The following TNFRSF18 variants were observed in gnomAD, a reference collection of about 807,000 sequenced individuals.
TNFRSF18 encodes tumor necrosis factor receptor superfamily member 18.
TNFRSF18 carries 36 observed loss-of-function variants against 30.2 expected under a neutral mutation model. That is an observed-to-expected ratio of 1.19 (90% CI 0.91 to 1.58). TNFRSF18 has a LOEUF of 1.58. TNFRSF18 is among the 40% of genes most tolerant of loss of function. The pLI is 0.00. For missense variants in TNFRSF18, 369 were observed against 345.4 expected (o/e 1.07, Z -0.54); for synonymous variants, 173 against 158.3 (o/e 1.09, Z -0.70).
intron 2 of TNFRSF18, among the ~76,000 whole-genome samples, chr1:1,205,065 C>T (rs921627345): frequency 1.3e-5 from 2 of 152,180 alleles, no homozygotes; most frequent in Non-Finnish European, 2.9e-5. Context: ...GTGGTGAGGA[C>T]AGACAGGATG....
chr1:1,204,808 G>A (rs1339606441), intron 2 of TNFRSF18, among the ~76,000 whole-genome samples: 1 of 152,162 alleles, frequency 6.6e-6, no homozygotes. Context: ...CAGTAGAACA[G>A]AGGGTGGAGA....
At chr1:1,206,235 T>C (rs950155725) in intron 1 of TNFRSF18, 150 bp downstream of exon 1, 48 of 932,174 alleles carry the variant, frequency 5.1e-5, no homozygotes, top group Non-Finnish European at 7.5e-5. Context: ...CCTGCCTCCC[T>C]CCGGAAGGCT....
Position 1,205,472 on chromosome 1 carries a change from A to C in TNFRSF18, c.208T>G (p.Trp70Gly). The C allele has an allele frequency of 6.2e-7, 1 of 1,612,294 alleles. No individual in the cohort carries two copies. Among genetic ancestry groups the C allele is most frequent in the Admixed American group, 1.7e-5 (1 of 59,974 alleles). The change falls in exon 2 of 5, where the codon TGG (tryptophan) becomes GGG (glycine). Residue 70 changes from tryptophan to glycine, a missense_variant. Trp to Gly is a radical substitution (Grantham distance 184, BLOSUM62 -2). Transcript: ENST00000379268. Reference sequence around the variant, plus strand: ...TCAGGCTGGACACACATGCAGTCCCACTCGGAACAGCACTCCTCGCCTGGG... The same window carrying C: ...TCAGGCTGGACACACATGCAGTCCCCCTCGGAACAGCACTCCTCGCCTGGG... The part of the protein sequence containing the change: ...DYPGEECCSE[W>G]DCMCVQPEFH...
intron 2 of TNFRSF18, 88 bp downstream of exon 2, chr1:1,205,282 G>C (rs1000679655): frequency 6.5e-7 from 1 of 1,539,392 alleles, no homozygotes; most frequent in Non-Finnish European, 8.8e-7. Flanking sequence ...ACATGTCCTC[G>C]CCGGACACCT....
chr1:1,203,893 C>T lies in TNFRSF18; in HGVS notation c.677G>A (p.Gly226Asp). Reference protein sequence around the residue: ...RSCQFPEEERGERSAEEKGRL... With the variant: ...RSCQFPEEERDERSAEEKGRL... ...CCCCTTCTCCTCTGCCGATCGCTCG[C>T]CCCGCTCTTCCTCGGGGAACTGGCA... The change falls in exon 5 of 5, where the codon GGC becomes GAC. Residue 226 changes from glycine (G) to aspartate (D), a missense_variant. Physicochemically the swap from Gly to Asp is moderately conservative, Grantham distance 94. Coordinates refer to ENST00000379268, the MANE Select transcript of TNFRSF18 (RefSeq NM_004195.3). 1.2e-6 allele frequency: 2 copies of T among 1,606,206 alleles called. No homozygotes were observed. The highest frequency in any genetic ancestry group is 8.5e-7 in the Non-Finnish European group (1 of 1,179,182).
In TNFRSF18 at chr1:1,203,687, G is replaced by A. The variant is rs771347373; in HGVS notation, c.*157C>T. 1.3e-6 allele frequency: 2 copies of A among 1,556,230 alleles called. No individual in the cohort carries two copies. Among genetic ancestry groups the A allele is most frequent in the Admixed American group, 1.8e-5 (1 of 54,240 alleles). ...AGGGCCCAGCCGCGGCCGCCGAACT[G>A]CATGGTCCAGGGCGCTGGTCACTGC... On this transcript the variant is annotated 3_prime_UTR_variant, in exon 5 of 5. Transcript: ENST00000379268.
Position 1,203,739 on chromosome 1 carries a change from C to G in TNFRSF18, c.*105G>C. ...ACCTTCCTGCACCCACTTCTGCTGC[C>G]AGGGGAGCAGGGCCCGGCCCAGAGC... On this transcript the variant is annotated 3_prime_UTR_variant, in exon 5 of 5. Coordinates refer to ENST00000379268, the MANE Select transcript of TNFRSF18 (RefSeq NM_004195.3). The G allele has an allele frequency of 6.4e-7, 1 of 1,559,226 alleles. No individual in the cohort carries two copies. The highest frequency in any genetic ancestry group is 8.6e-7 in the Non-Finnish European group (1 of 1,158,050).
chr1:1,204,013 C>G, intron 4 of TNFRSF18, 21 bp downstream of exon 4: 2 of 1,607,952 alleles, frequency 1.2e-6, no homozygotes, highest in South Asian at 2.2e-5. Context: ...TCCCACCTCC[C>G]CGCACCAGGC....
chr1:1,206,359 G>A (rs374134038), intron 1 of TNFRSF18, 26 bp downstream of exon 1: 28 of 1,543,826 alleles, frequency 1.8e-5, no homozygotes, highest in African/African-American at 1.2e-4. Context: ...TGGCCGGTCC[G>A]CGTTAAGTAA....
chr1:1,205,513 C>T lies in TNFRSF18; in HGVS notation c.188-21G>A, dbSNP rs769674255. ...CTCGCCTGGGCAGGAGACAGGCCAG[C>T]CCCCCAGCAGCTGGGCTGAGGCCCC... On this transcript the variant is annotated intron_variant, in intron 1 of 4. Coordinates refer to ENST00000379268, the MANE Select transcript of TNFRSF18 (RefSeq NM_004195.3). 1.6e-5 allele frequency: 26 copies of T among 1,605,800 alleles called. 1 individual carries two copies. The South Asian group carries it at 2.7e-4, about 16-fold the overall frequency.
chr1:1,204,359 T>C, intron 3 of TNFRSF18, 40 bp downstream of exon 3: 3 of 1,606,376 alleles, frequency 1.9e-6, no homozygotes, highest in Non-Finnish European at 2.6e-6. Context: ...AGAGTGGGCC[T>C]GGACCACCCG....
At chr1:1,205,658 CTG>C in intron 1 of TNFRSF18, 166 bp from the exon 2 acceptor site, 1 of 703,850 alleles carries the variant, frequency 1.4e-6, no homozygotes, top group South Asian at 1.9e-5. Flanking sequence ...GTTTATCCAG[CTG>C]TCTCTTTCTC....
At position 1,205,502 on chromosome 1, in the gene TNFRSF18, A is replaced by C; in HGVS notation, c.188-10T>G. On this transcript the variant is annotated splice_polypyrimidine_tract_variant and intron_variant, in intron 1 of 4. Coordinates refer to ENST00000379268, the MANE Select transcript of TNFRSF18 (RefSeq NM_004195.3). ...GAACAGCACTCCTCGCCTGGGCAGG[A>C]GACAGGCCAGCCCCCCAGCAGCTGG... The C allele has an allele frequency of 6.2e-7, 1 of 1,609,352 alleles. No homozygotes were observed. Among genetic ancestry groups the C allele is most frequent in the South Asian group, 1.1e-5 (1 of 90,776 alleles).
chr1:1,206,248 C>T (rs1310245012), intron 1 of TNFRSF18, 137 bp downstream of exon 1: 9 of 1,023,448 alleles, frequency 8.8e-6, no homozygotes, highest in Admixed American at 5.9e-5. Context: ...GGAAGGCTCC[C>T]GCTGCTGGCG....
At chr1:1,205,315 G>A (rs1044962233) in intron 2 of TNFRSF18, 55 bp downstream of exon 2, 8 of 1,583,252 alleles carry the variant, frequency 5.1e-6, no homozygotes, top group Non-Finnish European at 6.0e-6. Flanking sequence ...TCTGCCTCGG[G>A]CCCTAGTGGA....
At position 1,203,953 on chromosome 1, in the gene TNFRSF18, A is replaced by G; in HGVS notation, c.617T>C (p.Leu206Pro). The change falls in exon 5 of 5, where the codon CTG becomes CCG. Residue 206 changes from leucine to proline, a missense_variant. Physicochemically the swap from Leu to Pro is moderately conservative, Grantham distance 98. Transcript: ENST00000379268. ...GTCTTCGGTCGACGGCGGCACCTCC[A>G]GCAGCAGCTGGGTCTCTGCAGGGGG... ...CMWPRETQLL[L>P]EVPPSTEDAR... 3 of 1,607,226 alleles carry G rather than the reference A, an allele frequency of 1.9e-6. No individual in the cohort carries two copies. Among genetic ancestry groups the G allele is most frequent in the Non-Finnish European group, 2.5e-6 (3 of 1,178,728 alleles).
At position 1,203,574 on chromosome 1, in the gene TNFRSF18, G is replaced by A. The variant is rs773653293; in HGVS notation, c.*270C>T. The A allele has an allele frequency of 2.1e-5, 32 of 1,494,676 alleles. No homozygotes were observed. The highest frequency in any genetic ancestry group is 2.6e-5 in the Non-Finnish European group (29 of 1,130,858). The allele number at this position is 1,494,676 out of a possible 1,614,324, so 92.6% of individuals were successfully genotyped here. A position where few individuals can be genotyped will look rare whatever the true frequency, so the allele number is the denominator to read the frequency against. On this transcript the variant is annotated 3_prime_UTR_variant, in exon 5 of 5. Transcript: ENST00000379268. ...CCCGTGCTGGGCACTGCACACCCAC[G>A]GACACAGCCTCCCGTCCTAAGACCC...
chr1:1,204,458 G>C lies in TNFRSF18; in HGVS notation c.339C>G (p.Ile113Met). The C allele has an allele frequency of 7.1e-7, 1 of 1,402,318 alleles. No individual in the cohort carries two copies. The highest frequency in any genetic ancestry group is 9.6e-7 in the Non-Finnish European group (1 of 1,046,580). 86.9% of individuals were successfully genotyped at this position (1,402,318 alleles called of 1,614,324 possible). The change falls in exon 3 of 5, where the codon ATC (isoleucine) becomes ATG (methionine). Residue 113 changes from isoleucine to methionine, a missense_variant. Coordinates refer to ENST00000379268, the MANE Select transcript of TNFRSF18 (RefSeq NM_004195.3). ...QGKFSFGFQCIDCASGTFSGG... is the reference protein window; with the variant it reads ...QGKFSFGFQCMDCASGTFSGG... Reference sequence around the variant, plus strand: ...CGGAGAAGGTCCCCGAGGCACAGTCGATACACTGGAAGCCAAAACTGAATT... The same window carrying C: ...CGGAGAAGGTCCCCGAGGCACAGTCCATACACTGGAAGCCAAAACTGAATT...
intron 2 of TNFRSF18, among the ~76,000 whole-genome samples, chr1:1,205,129 G>A (rs533792567): frequency 1.5e-3 from 231 of 151,052 alleles, no homozygotes; most frequent in African/African-American, 5.3e-3. Flanking sequence ...CCACCTCCCC[G>A]CAGGGTTCTC....
Sources: allele counts gnomAD v4.1 joint callset (sites outside exome capture counted in the v4.1 genomes callset), GRCh38; gene constraint gnomAD v4.1.1; transcripts MANE v1.5; gene names NCBI Gene and HGNC (gene_info 2026-07-23, HGNC 2026-07-21).